C16orf96: variants seen among roughly 807,000 people sequenced by gnomAD.
C16orf96 encodes uncharacterized protein C16orf96.
A neutral mutation model predicts 103.6 loss-of-function variants in C16orf96; 108 were observed. The ratio of observed to expected loss-of-function variants is 1.04; its 90% confidence interval spans 0.89 to 1.22. The LOEUF (loss-of-function observed/expected upper bound fraction) is 1.22. Among genes scored for constraint, C16orf96 ranks in the 50% most tolerant of loss-of-function variants. C16orf96 has a pLI of 0.00. For synonymous variants in C16orf96, 566 were observed against 593.5 expected (o/e 0.95, Z 0.67); for missense variants, 1,586 against 1,464.2 (o/e 1.08, Z -1.36).
rs1429121443 is a variant in C16orf96, at chr16:4,580,008, C to CT, written c.2242-3dup. 2 of 1,550,378 alleles carry CT rather than the reference C, an allele frequency of 1.3e-6. No homozygotes were observed. The highest frequency in any genetic ancestry group is 2.7e-5 in the African/African-American group (2 of 72,960). ...AGGCCTGGGGTGTCTGTGTCTCCCC[C>CT]TTTTAGGAGGAAGAACTTGAGAGAA... On this transcript the variant is annotated splice_polypyrimidine_tract_variant and splice_region_variant and intron_variant, in intron 6 of 15. Coordinates refer to ENST00000444310, the MANE Select transcript of C16orf96 (RefSeq NM_001145011.2).
rs540050462 is a variant in C16orf96 at position 4,556,570 on chromosome 16, C to T, written c.81C>T (p.His27=). Residue 27 remains histidine (H), a synonymous_variant, in exon 1 of 16, where the codon CAC becomes CAT. Transcript: ENST00000444310. ...QCGVLNFKAL[H]LLLHGILEHI... is the part of the protein sequence containing the mutation. Reference sequence around the variant, plus strand: ...GGGTGCTGAACTTCAAGGCCCTGCACCTCCTGCTGCACGGCATCTTGGAGC... The same window carrying T: ...GGGTGCTGAACTTCAAGGCCCTGCATCTCCTGCTGCACGGCATCTTGGAGC... The T allele has an allele frequency of 7.1e-6, 11 of 1,551,714 alleles. No homozygotes were observed. Among genetic ancestry groups the T allele is most frequent in the East Asian group, 4.9e-5 (2 of 40,922 alleles).
upstream of C16orf96, among the ~76,000 whole-genome samples, chr16:4,554,168 G>A (rs572581447): frequency 7.6e-4 from 115 of 152,198 alleles, 1 homozygote; most frequent in African/African-American, 2.7e-3. Flanking sequence ...TGGTCCTGTG[G>A]CAGCTGGCTC....
chr16:4,594,563 C>A, intron 13 of C16orf96, 53 bp downstream of exon 13: 1 of 1,543,038 alleles, frequency 6.5e-7, no homozygotes. Context: ...CGCACCCCAG[C>A]CCCAGGTGTG....
intron 1 of C16orf96, among the ~76,000 whole-genome samples, chr16:4,569,015 G>A (rs1656539022): frequency 6.6e-6 from 1 of 152,024 alleles, no homozygotes; most frequent in African/African-American, 2.4e-5. Flanking sequence ...AGTCACACAG[G>A]CTGGAGAGCA....
At chr16:4,577,520 G>A (rs539818018) in intron 5 of C16orf96, among the ~76,000 whole-genome samples, 16 of 152,056 alleles carry the variant, frequency 1.1e-4, no homozygotes, top group Non-Finnish European at 8.8e-5. Context: ...GCATGGTGGC[G>A]GGCGCCTGTA....
At chr16:4,544,846 C>T in the C16orf96 span, among the ~76,000 whole-genome samples, 4 of 151,986 alleles carry the variant, frequency 2.6e-5, no homozygotes, top group African/African-American at 4.8e-5. Context: ...TTGCTGTTGA[C>T]GGGAACTGGG....
intron 1 of C16orf96, among the ~76,000 whole-genome samples, chr16:4,568,533 TCCTTCCAC>T (rs1178788425): frequency 6.6e-6 from 1 of 152,086 alleles, no homozygotes; most frequent in Non-Finnish European, 1.5e-5. Flanking sequence ...GCTCAAGCCA[TCCTTCCAC>T]TGCAGCTACC....
chr16:4,539,795 T>C, the C16orf96 span, among the ~76,000 whole-genome samples: 1 of 152,150 alleles, frequency 6.6e-6, no homozygotes, highest in Non-Finnish European at 1.5e-5. Flanking sequence ...TTGTAAAACC[T>C]AAGATTGGTA....
intron 7 of C16orf96, among the ~76,000 whole-genome samples, chr16:4,582,175 G>C (rs577518749): frequency 6.6e-6 from 1 of 151,944 alleles, no homozygotes; most frequent in Admixed American, 6.6e-5. Context: ...CCAGCTACTC[G>C]GGTGGCTGAG....
At position 4,556,850 on chromosome 16, in the gene C16orf96, C is replaced by T. The variant is rs767811380; in HGVS notation, c.361C>T (p.Leu121=). 105 of 1,551,252 alleles carry T rather than the reference C, an allele frequency of 6.8e-5. No homozygotes were observed. Among genetic ancestry groups the T allele is most frequent in the Non-Finnish European group, 8.3e-5 (95 of 1,146,788 alleles). ...SQGTARPVQD[L]WHLIKLRKMV... is the part of the protein sequence containing the mutation. ...GGGCACTGCCCGGCCCGTCCAGGACCTGTGGCATCTGATCAAGCTCCGGAA... is the reference window on the plus strand; with the variant it reads ...GGGCACTGCCCGGCCCGTCCAGGACTTGTGGCATCTGATCAAGCTCCGGAA... Residue 121 remains leucine (L), a synonymous_variant, in exon 1 of 16, where the codon CTG becomes TTG. Transcript: ENST00000444310.
chr16:4,600,415 G>T lies in C16orf96; in HGVS notation c.*98G>T. ...CTCCCACCAAGTCCCCTCCACATCG[G>T]AGGCTGAGGCCTATGTGGCCCCCCA... On this transcript the variant is annotated 3_prime_UTR_variant, in exon 16 of 16. Coordinates refer to ENST00000444310, the MANE Select transcript of C16orf96 (RefSeq NM_001145011.2). 1.2e-6 allele frequency: 1 copy of T among 857,042 alleles called. No homozygotes were observed. Among genetic ancestry groups the T allele is most frequent in the Non-Finnish European group, 1.8e-6 (1 of 548,920 alleles). 53.1% of individuals were successfully genotyped at this position (857,042 alleles called of 1,614,324 possible).
In C16orf96 at chr16:4,600,415, G is replaced by C; in HGVS notation, c.*98G>C. On this transcript the variant is annotated 3_prime_UTR_variant, in exon 16 of 16. Transcript: ENST00000444310. ...CTCCCACCAAGTCCCCTCCACATCG[G>C]AGGCTGAGGCCTATGTGGCCCCCCA... 1.2e-6 allele frequency: 1 copy of C among 857,042 alleles called. No homozygotes were observed. The highest frequency in any genetic ancestry group is 2.7e-5 in the East Asian group (1 of 37,346). 53.1% of individuals were successfully genotyped at this position (857,042 alleles called of 1,614,324 possible). A position where few individuals can be genotyped will look rare whatever the true frequency, so the allele number is the denominator to read the frequency against.
chr16:4,590,160 C>T lies in C16orf96; in HGVS notation c.2593-1506C>T, dbSNP rs560796648. ...CTCCCTCGGGTGGCACAGTGGCTCA[C>T]ACCTATAATCCCAGCACTTTGGGAG... is the stretch of plus-strand genomic sequence containing the variant. On this transcript the variant is annotated intron_variant, in intron 9 of 15. Coordinates refer to ENST00000444310, the MANE Select transcript of C16orf96 (RefSeq NM_001145011.2). 7.2e-5 allele frequency among the ~76,000 whole-genome samples: 11 copies of T among 151,992 alleles called. No individual in the cohort carries two copies. In the South Asian group the frequency reaches 2.1e-3, roughly 29 times the overall value.
intron 9 of C16orf96, among the ~76,000 whole-genome samples, chr16:4,589,770 A>G (rs1897014131): frequency 1.3e-5 from 2 of 152,220 alleles, no homozygotes; most frequent in South Asian, 2.1e-4. Context: ...GTTATATAAT[A>G]AAATGTTATC....
At chr16:4,540,713 C>G in the C16orf96 span, among the ~76,000 whole-genome samples, 2 of 151,718 alleles carry the variant, frequency 1.3e-5, no homozygotes, top group African/African-American at 4.8e-5. Context: ...GGAGACAGAG[C>G]AAAACTCTCT....
intron 1 of C16orf96, among the ~76,000 whole-genome samples, chr16:4,570,994 C>T (rs1280752002): frequency 6.6e-6 from 1 of 152,058 alleles, no homozygotes; most frequent in Non-Finnish European, 1.5e-5. Context: ...CGTGGTGAAA[C>T]CCCATCTCTA....
At chr16:4,588,452 T>G (rs1896980424) in intron 9 of C16orf96, 121 bp downstream of exon 9, 1 of 1,140,884 alleles carries the variant, frequency 8.8e-7, no homozygotes. Flanking sequence ...ACCCAGCAAC[T>G]TAGCTGGGTG....
chr16:4,582,218 G>T (rs1203331460), intron 7 of C16orf96, among the ~76,000 whole-genome samples: 1 of 152,058 alleles, frequency 6.6e-6, no homozygotes, highest in East Asian at 1.9e-4. Flanking sequence ...GGAGGCGGAG[G>T]TTGCAGTGAG....
rs2141728248 is a variant in C16orf96 at position 4,578,823 on chromosome 16, G to T, written c.2156-117G>T. ...AAGGTACCACAAGCTGCGAGGCCCA[G>T]TGCATTTCCACTGGGCAGTGCTGCC... is the stretch of plus-strand genomic sequence containing the variant. On this transcript the variant is annotated intron_variant, in intron 5 of 15. Transcript: ENST00000444310. 1.2e-5 allele frequency: 7 copies of T among 586,300 alleles called. No homozygotes were observed. The South Asian group carries it at 1.6e-4, about 14-fold the overall frequency. 36.3% of individuals were successfully genotyped at this position (586,300 alleles called of 1,614,324 possible).
Sources: gnomAD v4.1 joint callset for allele counts (sites outside exome capture counted in the v4.1 genomes callset) on GRCh38, gnomAD v4.1.1 for gene constraint, MANE v1.5 for transcripts, NCBI Gene and HGNC (gene_info 2026-07-23, HGNC 2026-07-21) for gene names.